The following WNT2B variants were observed in gnomAD, a reference collection of about 807,000 sequenced individuals.
The protein encoded by WNT2B is protein Wnt-2b.
A neutral mutation model predicts 40.5 loss-of-function variants in WNT2B; 19 were observed. The observed-to-expected ratio is 0.47, with a 90% CI of 0.33 to 0.69. WNT2B has a LOEUF of 0.69. WNT2B is among the 30% of genes least tolerant of loss of function. The probability of loss-of-function intolerance (pLI) is 0.02; values close to 1 mark genes in which losing one functional copy is unlikely to be tolerated. For synonymous variants in WNT2B, 220 were observed against 211.9 expected, an observed-to-expected ratio of 1.04 and a Z score of -0.33; for missense variants, 467 against 556.4, an observed-to-expected ratio of 0.84 and a Z score of 1.62.
intron 1 of WNT2B, among the ~76,000 whole-genome samples, chr1:112,484,280 T>TATATATACAC (rs1651340447): frequency 1.5e-5 from 2 of 129,694 alleles, no homozygotes; most frequent in African/African-American, 6.1e-5. Context: ...CACATATATA[T>TATATATACAC]ATATATATAT....
chr1:112,520,150 G>A, intron 4 of WNT2B, 130 bp from the exon 5 acceptor site: 2 of 823,914 alleles, frequency 2.4e-6, no homozygotes, highest in Non-Finnish European at 3.9e-6. Flanking sequence ...GGGATGATAG[G>A]CATGAGTGAG....
chr1:112,467,460 A>T, exon 1 of WNT2B: 1 of 745,522 alleles, frequency 1.3e-6, no homozygotes, highest in South Asian at 1.4e-5. Context: ...AAATTTGCAA[A>T]ATAAGATTAA....
At chr1:112,502,665 G>C (rs943219316) in intron 1 of WNT2B, among the ~76,000 whole-genome samples, 6 of 152,152 alleles carry the variant, frequency 3.9e-5, no homozygotes, top group Non-Finnish European at 8.8e-5. Context: ...TTCATGGAAA[G>C]ACCCTTCTCC....
intron 1 of WNT2B, among the ~76,000 whole-genome samples, chr1:112,478,951 G>A (rs1017937564): frequency 6.6e-6 from 1 of 152,106 alleles, no homozygotes; most frequent in African/African-American, 2.4e-5. Context: ...GCTGGGCGCA[G>A]TGGCTGATAC....
At chr1:112,484,342 C>G (rs1430523744) in intron 1 of WNT2B, among the ~76,000 whole-genome samples, 2 of 148,990 alleles carry the variant, frequency 1.3e-5, no homozygotes, top group South Asian at 4.2e-4. Flanking sequence ...TCACTTGTCA[C>G]CCAGGCTGGA....
chr1:112,490,639 A>G (rs2780261), intron 1 of WNT2B, among the ~76,000 whole-genome samples: 110,970 of 151,568 alleles, frequency 0.73, 40,920 homozygotes, highest in South Asian at 0.83. Flanking sequence ...ACCGGCGCCC[A>G]TCACCACACC....
chr1:112,521,314 T>TTTTTTTTTTTTTTTC lies in WNT2B; in HGVS notation c.*819_*820insCTTTTTTTTTTTTTT. On this transcript the variant is annotated 3_prime_UTR_variant, in exon 5 of 5. Transcript: ENST00000369684. ...GTCTGGCTAGGCCTTGTGTTGCCTTTTTTTTTTTTTTTTTTTTCTTTTCTT... is the reference window on the plus strand; with the variant it reads ...GTCTGGCTAGGCCTTGTGTTGCCTTTTTTTTTTTTTTTTTCTTTTTTTTTTTTTTTTTCTTTTCTT... 1 of 73,664 alleles carries TTTTTTTTTTTTTTTC rather than the reference T, an allele frequency of 1.4e-5. No homozygotes were observed. The allele number at this position is 73,664 out of a possible 1,614,324, so 4.6% of individuals were successfully genotyped here. A position where few individuals can be genotyped will look rare whatever the true frequency, so the allele number is the denominator to read the frequency against.
intron 1 of WNT2B, among the ~76,000 whole-genome samples, chr1:112,480,688 T>C (rs1651198096): frequency 6.6e-6 from 1 of 152,152 alleles, no homozygotes. Context: ...TCTTAAACTC[T>C]TGTGAAAAAT....
chr1:112,505,034 C>A (rs1652068750), upstream of WNT2B, among the ~76,000 whole-genome samples: 1 of 152,232 alleles, frequency 6.6e-6, no homozygotes, highest in African/African-American at 2.4e-5. Flanking sequence ...GAAATCTTAA[C>A]TCTGTCCCAC....
intron 1 of WNT2B, among the ~76,000 whole-genome samples, chr1:112,503,360 G>A (rs1170535846): frequency 6.6e-6 from 1 of 152,122 alleles, no homozygotes; most frequent in East Asian, 1.9e-4. Flanking sequence ...AATAGTGCAT[G>A]GCTGAGTTGG....
intron 1 of WNT2B, among the ~76,000 whole-genome samples, chr1:112,473,403 A>G (rs950349284): frequency 5.3e-5 from 8 of 152,222 alleles, no homozygotes; most frequent in Admixed American, 5.2e-4. Context: ...AGATGCAGAA[A>G]AACTAAAATC....
At chr1:112,516,569 C>G (rs1275537914) in intron 3 of WNT2B, 152 bp downstream of exon 3, 8 of 1,102,462 alleles carry the variant, frequency 7.3e-6, no homozygotes, top group Non-Finnish European at 1.3e-6. Context: ...GAACTAAATG[C>G]AAGGGAGCTT....
intron 1 of WNT2B, among the ~76,000 whole-genome samples, chr1:112,484,777 A>G (rs773680148): frequency 1.3e-5 from 2 of 151,978 alleles, no homozygotes; most frequent in African/African-American, 2.4e-5. Context: ...TTATATTAGC[A>G]ATGGAAGTAG....
At chr1:112,487,837 G>C (rs1271087057) in intron 1 of WNT2B, among the ~76,000 whole-genome samples, 1 of 149,842 alleles carries the variant, frequency 6.7e-6, no homozygotes, top group African/African-American at 2.5e-5. Flanking sequence ...AGGAGGTTGA[G>C]GCACAAGAAT....
upstream of WNT2B, chr1:112,508,821 G>T (rs1652223500): frequency 1.0e-6 from 1 of 992,098 alleles, no homozygotes; most frequent in Non-Finnish European, 1.2e-6. This position sits in a 1 kb window ranked among gnomAD's most constrained non-coding sequence, Gnocchi z 4.2. Flanking sequence ...GAGCCCCGAG[G>T]GGCGGAGGCG....
chr1:112,499,063 G>A (rs568855617), intron 1 of WNT2B, among the ~76,000 whole-genome samples: 88 of 152,084 alleles, frequency 5.8e-4, no homozygotes, highest in African/African-American at 1.7e-3. Context: ...AAAATTAGCC[G>A]GTCGTGGTGG....
At chr1:112,510,864 A>T (rs1652326464) in intron 1 of WNT2B, among the ~76,000 whole-genome samples, 1 of 152,168 alleles carries the variant, frequency 6.6e-6, no homozygotes, top group Non-Finnish European at 1.5e-5. Context: ...TCTGAGTGAG[A>T]TCAAAGCTAC....
At chr1:112,517,095 C>T in intron 3 of WNT2B, 26 bp from the exon 4 acceptor site, 1 of 1,601,602 alleles carries the variant, frequency 6.2e-7, no homozygotes, top group East Asian at 2.2e-5. Flanking sequence ...GCTACTTCTC[C>T]CTTAACTGCC....
upstream of WNT2B, chr1:112,508,814 C>A (rs978946353): frequency 3.0e-4 from 300 of 990,458 alleles, no homozygotes; most frequent in African/African-American, 5.0e-3. The surrounding 1 kb of genome is among the most constrained non-coding windows in gnomAD (Gnocchi z 4.2). Flanking sequence ...CGCGCGGGAG[C>A]CCCGAGGGGC....
Sources: allele counts gnomAD v4.1 joint callset (sites outside exome capture counted in the v4.1 genomes callset), GRCh38; gene constraint gnomAD v4.1.1; non-coding constraint Gnocchi (gnomAD v3.1); transcripts MANE v1.5; gene names NCBI Gene and HGNC (gene_info 2026-07-23, HGNC 2026-07-21).